The following ABTB2 variants were observed in gnomAD, a reference collection of about 807,000 sequenced individuals.
ABTB2 encodes ankyrin repeat and BTB/POZ domain-containing protein 2.
A neutral mutation model predicts 104.1 loss-of-function variants in ABTB2; 56 were observed. That is an observed-to-expected ratio of 0.54 (90% confidence interval 0.43 to 0.67). ABTB2 has a LOEUF of 0.67. Ranked by LOEUF, ABTB2 falls within the 30% of genes least tolerant of loss-of-function variation. The probability of loss-of-function intolerance (pLI) is 0.00; values close to 1 mark genes in which losing one functional copy is unlikely to be tolerated. For missense variants in ABTB2, 1,279 were observed against 1,407.7 expected, an observed-to-expected ratio of 0.91 and a Z score of 1.46; for synonymous variants, 606 against 608.2, an observed-to-expected ratio of 1.00 and a Z score of 0.05.
intron 1 of ABTB2, among the ~76,000 whole-genome samples, chr11:34,236,111 AGTCC>A (rs1853839916): frequency 6.6e-6 from 1 of 152,196 alleles, no homozygotes; most frequent in South Asian, 2.1e-4. Context: ...CCAGGTGGGA[AGTCC>A]GTGGATATTC....
intron 1 of ABTB2, among the ~76,000 whole-genome samples, chr11:34,305,154 T>C (rs1854755770): frequency 6.6e-6 from 1 of 152,198 alleles, no homozygotes; most frequent in African/African-American, 2.4e-5. Context: ...TAAGTACACT[T>C]GATCTAGAAG....
chr11:34,297,796 G>GCCAAAT (rs1564926792), intron 1 of ABTB2, among the ~76,000 whole-genome samples: 22 of 123,062 alleles, frequency 1.8e-4, no homozygotes, highest in Non-Finnish European at 3.2e-4. Context: ...AAAAATAAAG[G>GCCAAAT]AAAGAAAAAG....
At chr11:34,304,316 G>C (rs1414894921) in intron 1 of ABTB2, among the ~76,000 whole-genome samples, 2 of 152,010 alleles carry the variant, frequency 1.3e-5, no homozygotes, top group Admixed American at 1.3e-4. Flanking sequence ...TCACTATATT[G>C]CCCAGGCAGG....
chr11:34,319,902 AG>A (rs1854981344), intron 1 of ABTB2, among the ~76,000 whole-genome samples: 1 of 152,120 alleles, frequency 6.6e-6, no homozygotes, highest in Admixed American at 6.5e-5. Flanking sequence ...TCCTGACCTT[AG>A]GTGATCCACC....
intron 7 of ABTB2, among the ~76,000 whole-genome samples, chr11:34,166,822 C>T (rs907459351): frequency 6.6e-6 from 1 of 152,208 alleles, no homozygotes; most frequent in African/African-American, 2.4e-5. Flanking sequence ...TCCGAAACCT[C>T]TCTCAGGAAC....
chr11:34,300,765 T>C (rs866832960), intron 1 of ABTB2, among the ~76,000 whole-genome samples: 1 of 152,118 alleles, frequency 6.6e-6, no homozygotes. Context: ...AGATAACCAA[T>C]GAGAAGGGGT....
intron 1 of ABTB2, among the ~76,000 whole-genome samples, chr11:34,282,159 T>C (rs1854455225): frequency 6.6e-6 from 1 of 152,182 alleles, no homozygotes; most frequent in Non-Finnish European, 1.5e-5. Context: ...CCTCACACGG[T>C]GGAAGAGCCG....
chr11:34,155,119 G>C (rs776568281), intron 14 of ABTB2, among the ~76,000 whole-genome samples: 1 of 152,230 alleles, frequency 6.6e-6, no homozygotes, highest in Non-Finnish European at 1.5e-5. Flanking sequence ...AAGTCCTTCA[G>C]CTCCCCTGAT....
At chr11:34,169,687 CCTGCCA>C (rs984941360) in intron 5 of ABTB2, among the ~76,000 whole-genome samples, 21 of 152,174 alleles carry the variant, frequency 1.4e-4, no homozygotes, top group African/African-American at 5.1e-4. Context: ...CAGCCTGTCA[CCTGCCA>C]CTGCCCTCTG....
intron 2 of ABTB2, among the ~76,000 whole-genome samples, chr11:34,201,105 C>T (rs971640566): frequency 3.3e-5 from 5 of 152,148 alleles, no homozygotes; most frequent in African/African-American, 9.7e-5. Flanking sequence ...TGGACCTTCA[C>T]CATGGATAGT....
intron 1 of ABTB2, among the ~76,000 whole-genome samples, chr11:34,266,753 T>C (rs1325543819): frequency 6.6e-6 from 1 of 152,096 alleles, no homozygotes; most frequent in African/African-American, 2.4e-5. Flanking sequence ...GAGGGTTTCT[T>C]CATTTCCCAG....
intron 1 of ABTB2, among the ~76,000 whole-genome samples, chr11:34,310,740 C>T (rs777467313): frequency 1.3e-5 from 2 of 152,198 alleles, no homozygotes; most frequent in Non-Finnish European, 1.5e-5. Context: ...TAAGAAGGAA[C>T]ATGGCTCTCC....
In ABTB2 at chr11:34,196,236, G is replaced by T. The variant is rs1853254880; in HGVS notation, c.1244+1089C>A. Among the ~76,000 whole-genome samples the T allele has an allele frequency of 3.3e-5, 5 of 152,174 alleles. No individual in the cohort carries two copies. In the South Asian group the frequency reaches 1.0e-3, roughly 32 times the overall value. On this transcript the variant is annotated intron_variant, in intron 3 of 16. Coordinates refer to ENST00000435224, the MANE Select transcript of ABTB2 (RefSeq NM_145804.3). ...TCCAGGTAGAAAATTTCAAAAGGCA[G>T]CCCTCAGAGAAAACCCATTAGAAAA...
In ABTB2 at chr11:34,306,681, A is replaced by G. The variant is rs535240813; in HGVS notation, c.883+50020T>C. ...TGAGGCTGCAGTGAGCCATGACTGCACCACTGCACTCCAGCCTGGGTGACA... is the reference window on the plus strand; with the variant it reads ...TGAGGCTGCAGTGAGCCATGACTGCGCCACTGCACTCCAGCCTGGGTGACA... On this transcript the variant is annotated intron_variant, in intron 1 of 16. Transcript: ENST00000435224. 3.1e-4 allele frequency among the ~76,000 whole-genome samples: 47 copies of G among 152,108 alleles called. No homozygotes were observed. The South Asian group carries it at 9.8e-3, about 32-fold the overall frequency.
chr11:34,170,012 C>T (rs993854396), intron 5 of ABTB2, among the ~76,000 whole-genome samples: 2 of 152,234 alleles, frequency 1.3e-5, no homozygotes, highest in African/African-American at 4.8e-5. Flanking sequence ...CATCTAACTC[C>T]CCATGCTCTG....
chr11:34,162,492 A>G (rs948469419), intron 10 of ABTB2, 84 bp downstream of exon 10: 2 of 1,407,472 alleles, frequency 1.4e-6, no homozygotes, highest in Admixed American at 3.8e-5. Context: ...TGGCCCTCTC[A>G]GGCCTGCTGA....
rs554102502 is a variant in ABTB2, at chr11:34,212,614, A to C, written c.884-7924T>G. On this transcript the variant is annotated intron_variant, in intron 1 of 16. Coordinates refer to ENST00000435224, the MANE Select transcript of ABTB2 (RefSeq NM_145804.3). ...CAGTGTGTCTGATACTGGAGTCCAC[A>C]CTGGCTCAGTCTGAAGGAGGAGAAC... is the stretch of plus-strand genomic sequence containing the variant. Among the ~76,000 whole-genome samples the C allele has an allele frequency of 2.0e-5, 3 of 152,292 alleles. No homozygotes were observed. The South Asian group carries it at 6.2e-4, about 32-fold the overall frequency.
At chr11:34,255,262 A>G (rs1854107055) in intron 1 of ABTB2, among the ~76,000 whole-genome samples, 1 of 152,124 alleles carries the variant, frequency 6.6e-6, no homozygotes, top group African/African-American at 2.4e-5. Context: ...GCCTAGAGTA[A>G]TTGTCCTGCC....
At chr11:34,345,262 C>T (rs2133125788) in intron 1 of ABTB2, among the ~76,000 whole-genome samples, 1 of 152,330 alleles carries the variant, frequency 6.6e-6, no homozygotes, top group South Asian at 2.1e-4. Flanking sequence ...TCCTTGGTGG[C>T]TCCTTGAACC....
Sources: gnomAD v4.1 joint callset for allele counts (sites outside exome capture counted in the v4.1 genomes callset) on GRCh38, gnomAD v4.1.1 for gene constraint, MANE v1.5 for transcripts, NCBI Gene and HGNC (gene_info 2026-07-23, HGNC 2026-07-21) for gene names.